Variants in METTL8 observed in about 807,000 individuals in gnomAD.
METTL8 encodes the protein tRNA N(3)-cytidine methyltransferase METTL8, mitochondrial.
Under a neutral mutation model 48.7 loss-of-function variants are expected in METTL8, and 32 were observed. The observed-to-expected ratio is 0.66, with a 90% CI of 0.50 to 0.88. The LOEUF (loss-of-function observed/expected upper bound fraction) is 0.88. METTL8 is among the 40% of genes least tolerant of loss of function. The pLI is 0.00. For synonymous variants in METTL8, 136 were observed against 157.1 expected (o/e 0.87, Z 1.01); for missense variants, 464 against 474.4 (o/e 0.98, Z 0.20).
intron 1 of METTL8, among the ~76,000 whole-genome samples, chr2:171,412,342 C>T (rs1690832777): frequency 6.6e-6 from 1 of 152,182 alleles, no homozygotes; most frequent in Non-Finnish European, 1.5e-5. Flanking sequence ...CCATCTCTTT[C>T]TGTGTCTCTT....
chr2:171,376,581 A>G (rs1026854726), intron 2 of METTL8, among the ~76,000 whole-genome samples: 3 of 152,164 alleles, frequency 2.0e-5, no homozygotes, highest in Admixed American at 2.0e-4. Flanking sequence ...CAACTCAATA[A>G]CTCAATCCCT....
Position 171,339,440 on chromosome 2 carries a change from A to G in METTL8, c.350T>C (p.Val117Ala). Reference sequence around the variant, plus strand: ...CGCCTTCTCTTCAGGTTTTTGATCAACTGGAAGAATTTCAGGAAATTCCCT... The same window carrying G: ...CGCCTTCTCTTCAGGTTTTTGATCAGCTGGAAGAATTTCAGGAAATTCCCT... ...LLREFPEILP[V>A]DQKPEEKARE... Residue 117 changes from valine (V) to alanine (A), a missense_variant, in exon 4 of 10, where the codon GTT (valine) becomes GCT (alanine). Val to Ala is a moderately conservative substitution (Grantham distance 64). Coordinates refer to ENST00000375258, the MANE Select transcript of METTL8 (RefSeq NM_001321154.2). 6.2e-7 allele frequency: 1 copy of G among 1,613,640 alleles called. No individual in the cohort carries two copies. The highest frequency in any genetic ancestry group is 8.5e-7 in the Non-Finnish European group (1 of 1,179,706).
At chr2:171,372,899 T>A (rs1411101494) in intron 2 of METTL8, among the ~76,000 whole-genome samples, 1 of 152,226 alleles carries the variant, frequency 6.6e-6, no homozygotes, top group Non-Finnish European at 1.5e-5. Context: ...GACATTTGGA[T>A]TGGTTCCAAG....
chr2:171,348,493 G>A (rs79849218), intron 3 of METTL8, among the ~76,000 whole-genome samples: 2,637 of 152,214 alleles, frequency 0.017, 76 homozygotes, highest in African/African-American at 0.06. Flanking sequence ...TCATCTAACG[G>A]TTACACTGAT....
chr2:171,434,440 T>G, upstream of METTL8: 1 of 1,449,334 alleles, frequency 6.9e-7, no homozygotes, highest in Non-Finnish European at 9.3e-7. Context: ...CCTGCCCGCC[T>G]CCCCGTGTCA....
intron 2 of METTL8, among the ~76,000 whole-genome samples, chr2:171,369,100 T>C (rs1440607416): frequency 1.3e-5 from 2 of 152,012 alleles, no homozygotes; most frequent in African/African-American, 4.8e-5. Context: ...GGTCAGGAGA[T>C]TGAGACCATA....
intron 3 of METTL8, among the ~76,000 whole-genome samples, chr2:171,343,957 A>T (rs545562529): frequency 1.3e-5 from 2 of 152,322 alleles, no homozygotes; most frequent in African/African-American, 4.8e-5. Context: ...GAAACCAAAC[A>T]TGTCAAGCAT....
At chr2:171,352,775 T>A (rs1189008944) in intron 3 of METTL8, among the ~76,000 whole-genome samples, 1 of 152,244 alleles carries the variant, frequency 6.6e-6, no homozygotes, top group Admixed American at 6.5e-5. Context: ...TACAGTATAC[T>A]CTGATGGTAG....
rs1333767621 is a variant in METTL8, at chr2:171,322,192, C to T, written c.*1980G>A. ...TGTTGGTCAGGCTGGTCTTGAACTC[C>T]TGACCTCATGATCCGCCTCCTCGGC... On this transcript the variant is annotated 3_prime_UTR_variant, in exon 10 of 10. Coordinates refer to ENST00000375258, the MANE Select transcript of METTL8 (RefSeq NM_001321154.2). 1 of 151,942 alleles carries T rather than the reference C, an allele frequency of 6.6e-6. No individual in the cohort carries two copies. Among genetic ancestry groups the T allele is most frequent in the African/African-American group, 2.4e-5 (1 of 41,376 alleles). 9.4% of individuals were successfully genotyped at this position (151,942 alleles called of 1,614,324 possible).
intron 2 of METTL8, among the ~76,000 whole-genome samples, chr2:171,388,609 T>C (rs907494983): frequency 2.6e-5 from 4 of 152,240 alleles, no homozygotes; most frequent in Admixed American, 2.6e-4. Flanking sequence ...TTGTGCTATG[T>C]ACTGCAGGCA....
intron 2 of METTL8, among the ~76,000 whole-genome samples, chr2:171,383,177 A>G (rs1289817391): frequency 6.6e-6 from 1 of 152,208 alleles, no homozygotes; most frequent in Non-Finnish European, 1.5e-5. Context: ...GAATCAGATG[A>G]TAAGTATAAT....
intron 3 of METTL8, among the ~76,000 whole-genome samples, chr2:171,356,630 T>A (rs139558760): frequency 6.6e-6 from 1 of 152,166 alleles, no homozygotes; most frequent in East Asian, 1.9e-4. Flanking sequence ...TCCACTGTTT[T>A]AGCTCCCACA....
intron 2 of METTL8, among the ~76,000 whole-genome samples, chr2:171,386,530 G>A (rs561072079): frequency 2.0e-5 from 3 of 152,284 alleles, no homozygotes; most frequent in Non-Finnish European, 4.4e-5. Context: ...TTGGGAGTCC[G>A]AGGTAGGCAG....
chr2:171,318,177 A>G lies in METTL8; in HGVS notation c.*5995T>C, dbSNP rs1208160197. 6.6e-6 allele frequency: 1 copy of G among 152,172 alleles called. No homozygotes were observed. Among genetic ancestry groups the G allele is most frequent in the Non-Finnish European group, 1.5e-5 (1 of 68,032 alleles). 9.4% of individuals were successfully genotyped at this position (152,172 alleles called of 1,614,324 possible). ...CATTATAAATGAAGATGCAACTGTT[A>G]TTTTACTTCTATTTATATTTATAAC... On this transcript the variant is annotated 3_prime_UTR_variant, in exon 10 of 10. Coordinates refer to ENST00000375258, the MANE Select transcript of METTL8 (RefSeq NM_001321154.2).
chr2:171,420,358 A>G (rs967688188), intron 1 of METTL8, among the ~76,000 whole-genome samples: 5 of 152,194 alleles, frequency 3.3e-5, no homozygotes, highest in South Asian at 2.1e-4. Context: ...ATGGTTATGC[A>G]GAGAGACAAG....
intron 2 of METTL8, among the ~76,000 whole-genome samples, chr2:171,391,294 A>G (rs1194313551): frequency 6.6e-6 from 1 of 152,262 alleles, no homozygotes; most frequent in Non-Finnish European, 1.5e-5. Flanking sequence ...TAGTGTAAAC[A>G]TAACTTTTAT....
chr2:171,432,108 T>A (rs1431330191), intron 1 of METTL8, among the ~76,000 whole-genome samples: 1 of 152,192 alleles, frequency 6.6e-6, no homozygotes, highest in East Asian at 1.9e-4. Flanking sequence ...CACACCTGCG[T>A]GCAAGCCAGG....
chr2:171,378,068 G>A (rs370566156), intron 2 of METTL8, among the ~76,000 whole-genome samples: 1 of 152,128 alleles, frequency 6.6e-6, no homozygotes, highest in Admixed American at 6.6e-5. Flanking sequence ...ATGATGACAG[G>A]ATCAAGTTCA....
chr2:171,407,202 GGGTTTAA>G, intron 1 of METTL8, among the ~76,000 whole-genome samples: 1 of 152,050 alleles, frequency 6.6e-6, no homozygotes, highest in East Asian at 1.9e-4. Flanking sequence ...GCTAGAGTCT[GGGTTTAA>G]AAGAAACAAG....
Sources: allele counts gnomAD v4.1 joint callset (sites outside exome capture counted in the v4.1 genomes callset), GRCh38; gene constraint gnomAD v4.1.1; transcripts MANE v1.5; gene names NCBI Gene and HGNC (gene_info 2026-07-23, HGNC 2026-07-21).